The following PACSIN2 variants were observed in gnomAD, a reference collection of about 807,000 sequenced individuals.
PACSIN2 encodes the protein protein kinase C and casein kinase substrate in neurons protein 2.
PACSIN2 carries 25 observed loss-of-function variants against 63.8 expected under a neutral mutation model. The observed-to-expected ratio is 0.39, with a 90% CI of 0.29 to 0.55. The LOEUF is 0.55. Ranked by LOEUF, PACSIN2 falls within the 20% of genes least tolerant of loss-of-function variation. PACSIN2 has a pLI of 0.62. For synonymous variants in PACSIN2, 255 were observed against 256.2 expected (o/e 1.00, Z 0.05); for missense variants, 518 against 646.9 (o/e 0.80, Z 2.16).
intron 1 of PACSIN2, among the ~76,000 whole-genome samples, chr22:43,014,347 C>CGTGCTGCGGT (rs1924717304): frequency 1.1e-4 from 2 of 18,416 alleles, no homozygotes; most frequent in African/African-American, 7.9e-4. Flanking sequence ...CACACACACA[C>CGTGCTGCGGT]ACACAGACAC....
At chr22:42,982,448 GA>G (rs1405182123) in intron 1 of PACSIN2, among the ~76,000 whole-genome samples, 78 of 88,288 alleles carry the variant, frequency 8.8e-4, no homozygotes, top group Non-Finnish European at 1.5e-3. Flanking sequence ...GAAGGGTGGG[GA>G]AAAAATTGAG....
At chr22:42,904,123 G>C (rs1930894507) in intron 2 of PACSIN2, among the ~76,000 whole-genome samples, 1 of 152,200 alleles carries the variant, frequency 6.6e-6, no homozygotes, top group African/African-American at 2.4e-5. Context: ...ACATAAGATA[G>C]ACAACATAGA....
chr22:43,013,538 A>G (rs1208254635), intron 1 of PACSIN2, among the ~76,000 whole-genome samples: 2 of 152,252 alleles, frequency 1.3e-5, no homozygotes, highest in Non-Finnish European at 2.9e-5. Context: ...AGGCAGGCTC[A>G]TGAATCAAGT....
At chr22:42,954,471 T>C (rs1031467365) in intron 1 of PACSIN2, among the ~76,000 whole-genome samples, 13 of 152,108 alleles carry the variant, frequency 8.5e-5, no homozygotes, top group East Asian at 1.9e-4. Context: ...TCACAGCTCA[T>C]TGCAGCCTCA....
In PACSIN2 at chr22:42,884,525, C is replaced by T. The variant is rs757030006; in HGVS notation, c.646G>A (p.Asp216Asn). Residue 216 changes from aspartate to asparagine, a missense_variant, in exon 6 of 11, where the codon GAC becomes AAC. Asp to Asn is a conservative substitution (Grantham distance 23). Coordinates refer to ENST00000263246, the MANE Select transcript of PACSIN2 (RefSeq NM_001184970.3). ...EKYEKSLKEL[D>N]QGTPQYMENM... ...TCCATGTACTGGGGTGTGCCCTGGT[C>T]GAGTTCCTTCAGGGACTTCTCATAC... The T allele has an allele frequency of 4.3e-6, 7 of 1,613,918 alleles. No homozygotes were observed. Among genetic ancestry groups the T allele is most frequent in the Admixed American group, 1.7e-5 (1 of 59,962 alleles).
chr22:42,934,462 A>G (rs1932850069), intron 1 of PACSIN2, among the ~76,000 whole-genome samples: 1 of 152,148 alleles, frequency 6.6e-6, no homozygotes, highest in Non-Finnish European at 1.5e-5. Context: ...ACACCTTTCA[A>G]TGTGGCAGCT....
chr22:42,975,268 G>A (rs533340401), intron 1 of PACSIN2, among the ~76,000 whole-genome samples: 3 of 152,144 alleles, frequency 2.0e-5, no homozygotes, highest in Admixed American at 6.5e-5. Flanking sequence ...ATTAGAGAAA[G>A]TCCCCATTCT....
intron 1 of PACSIN2, among the ~76,000 whole-genome samples, chr22:42,998,199 G>A (rs1157864203): frequency 2.6e-5 from 4 of 152,328 alleles, no homozygotes; most frequent in Admixed American, 6.5e-5. Context: ...TACCATGAGA[G>A]TGAGACACAT....
intron 6 of PACSIN2, 71 bp from the exon 7 acceptor site, chr22:42,882,375 G>A: frequency 1.3e-6 from 2 of 1,517,574 alleles, no homozygotes; most frequent in Non-Finnish European, 1.8e-6. Flanking sequence ...CCCAGTGCCA[G>A]CCACAGCAGG....
At chr22:42,903,090 C>G (rs1442318618) in intron 2 of PACSIN2, among the ~76,000 whole-genome samples, 1 of 152,190 alleles carries the variant, frequency 6.6e-6, no homozygotes, top group South Asian at 2.1e-4. Flanking sequence ...AGGGCCTCAC[C>G]GGGCCTTCAC....
intron 4 of PACSIN2, among the ~76,000 whole-genome samples, chr22:42,890,683 C>A (rs1031219523): frequency 3.3e-5 from 5 of 152,066 alleles, no homozygotes; most frequent in Non-Finnish European, 5.9e-5. Flanking sequence ...CCACTGCACT[C>A]CAGCCTGGGA....
chr22:42,941,925 G>T (rs1468816427), intron 1 of PACSIN2, among the ~76,000 whole-genome samples: 1 of 151,730 alleles, frequency 6.6e-6, no homozygotes, highest in East Asian at 1.9e-4. Context: ...TACAGGCATG[G>T]GCCAACACGC....
At chr22:43,012,222 A>G (rs1924547252) in intron 1 of PACSIN2, among the ~76,000 whole-genome samples, 2 of 149,630 alleles carry the variant, frequency 1.3e-5, no homozygotes, top group Non-Finnish European at 3.0e-5. Context: ...AAAACTAGCC[A>G]GGCAAGGTGG....
At chr22:42,877,900 C>T (rs1928766123) in intron 8 of PACSIN2, among the ~76,000 whole-genome samples, 1 of 152,222 alleles carries the variant, frequency 6.6e-6, no homozygotes. Flanking sequence ...AGCCTGAGCA[C>T]CCACCACCCC....
At chr22:42,980,341 T>C (rs1921995884) in intron 1 of PACSIN2, among the ~76,000 whole-genome samples, 1 of 152,178 alleles carries the variant, frequency 6.6e-6, no homozygotes, top group African/African-American at 2.4e-5. Context: ...TGGCAGGACC[T>C]TGTCTCTACT....
At chr22:42,966,279 A>G (rs1920954970) in intron 1 of PACSIN2, among the ~76,000 whole-genome samples, 1 of 151,592 alleles carries the variant, frequency 6.6e-6, no homozygotes, top group Non-Finnish European at 1.5e-5. Flanking sequence ...CTGAGGCAGG[A>G]GAATTGCTTG....
intron 1 of PACSIN2, among the ~76,000 whole-genome samples, chr22:42,971,038 G>C (rs1464965550): frequency 6.6e-6 from 1 of 152,158 alleles, no homozygotes. Context: ...GCAGGCTAAC[G>C]CTAAGCTAAA....
intron 6 of PACSIN2, among the ~76,000 whole-genome samples, chr22:42,883,911 G>A (rs1391452144): frequency 6.6e-6 from 1 of 152,180 alleles, no homozygotes; most frequent in African/African-American, 2.4e-5. Flanking sequence ...GGCTGAGGCA[G>A]GAGAACTGCT....
At chr22:42,905,087 C>G (rs1930978046) in intron 2 of PACSIN2, among the ~76,000 whole-genome samples, 1 of 152,238 alleles carries the variant, frequency 6.6e-6, no homozygotes, top group South Asian at 2.1e-4. Context: ...ATTTTATCTT[C>G]ATCTACAGAA....
Sources: gnomAD v4.1 joint callset for allele counts (sites outside exome capture counted in the v4.1 genomes callset) on GRCh38, gnomAD v4.1.1 for gene constraint, MANE v1.5 for transcripts, NCBI Gene and HGNC (gene_info 2026-07-23, HGNC 2026-07-21) for gene names.